Variants in CLSTN2 observed in about 807,000 individuals in gnomAD.
CLSTN2 encodes calsyntenin 2, also known as calsyntenin-2.
Under a neutral mutation model 101.2 loss-of-function variants are expected in CLSTN2, and 48 were observed. That is an observed-to-expected ratio of 0.47 (90% CI 0.38 to 0.60). The LOEUF is 0.60. Among genes scored for constraint, CLSTN2 ranks in the 20% least tolerant of loss-of-function variants. CLSTN2 has a pLI of 0.00. For synonymous variants in CLSTN2, 481 were observed against 463.6 expected (o/e 1.04, Z -0.48); for missense variants, 1,160 against 1,238.2 (o/e 0.94, Z 0.95).
At chr3:140,061,891 C>G (rs548731513) in intron 1 of CLSTN2, among the ~76,000 whole-genome samples, 98 of 152,312 alleles carry the variant, frequency 6.4e-4, no homozygotes, top group African/African-American at 2.3e-3. Flanking sequence ...GCTACAGAAG[C>G]CTGTGCTCGC....
In CLSTN2 at chr3:140,563,099, A is replaced by G; in HGVS notation, c.2378A>G (p.Asp793Gly). ...FNLEVSILHE[D>G]QVSDKEHVNH... is the part of the protein sequence containing the mutation. Reference sequence around the variant, plus strand: ...TCCCAGGTCAGCATCCTTCATGAAGACCAAGTCTCAGATAAGGAGCATGTC... The same window carrying G: ...TCCCAGGTCAGCATCCTTCATGAAGGCCAAGTCTCAGATAAGGAGCATGTC... The change falls in exon 15 of 17, where the codon GAC (aspartate) becomes GGC (glycine). Residue 793 changes from aspartate (D) to glycine (G), a missense_variant. Asp to Gly is a moderately conservative substitution (Grantham distance 94). Coordinates refer to ENST00000458420, the MANE Select transcript of CLSTN2 (RefSeq NM_022131.3). 1 of 1,614,112 alleles carries G rather than the reference A, an allele frequency of 6.2e-7. No individual in the cohort carries two copies. The highest frequency in any genetic ancestry group is 8.5e-7 in the Non-Finnish European group (1 of 1,179,994).
intron 1 of CLSTN2, among the ~76,000 whole-genome samples, chr3:140,088,545 G>C (rs1336122953): frequency 3.9e-5 from 6 of 152,136 alleles, no homozygotes; most frequent in Non-Finnish European, 8.8e-5. Context: ...AAGGTCATTT[G>C]AGCTGCCCTT....
intron 1 of CLSTN2, among the ~76,000 whole-genome samples, chr3:140,019,199 A>G (rs986095738): frequency 1.3e-5 from 2 of 152,186 alleles, no homozygotes; most frequent in African/African-American, 4.8e-5. Context: ...AACTGGGCCA[A>G]TTTGCTCACA....
At chr3:140,008,445 T>G (rs764276918) in intron 1 of CLSTN2, among the ~76,000 whole-genome samples, 1 of 152,248 alleles carries the variant, frequency 6.6e-6, no homozygotes, top group Non-Finnish European at 1.5e-5. Flanking sequence ...GTAAGGAGGC[T>G]GTAGCCTGGT....
intron 1 of CLSTN2, among the ~76,000 whole-genome samples, chr3:139,971,607 A>T (rs141849733): frequency 6.6e-6 from 1 of 152,218 alleles, no homozygotes; most frequent in East Asian, 1.9e-4. Flanking sequence ...TAAGCATGGA[A>T]TGAGTCTATA....
chr3:140,390,380 G>A (rs1006412252), intron 2 of CLSTN2, among the ~76,000 whole-genome samples: 38 of 151,736 alleles, frequency 2.5e-4, no homozygotes, highest in Middle Eastern at 3.4e-3. Flanking sequence ...TCTTTTAAAC[G>A]TGTACTGTTT....
intron 1 of CLSTN2, among the ~76,000 whole-genome samples, chr3:139,956,319 C>T (rs946817774): frequency 1.3e-5 from 2 of 152,186 alleles, no homozygotes; most frequent in East Asian, 1.9e-4. Context: ...GAAGGCGAGA[C>T]TGTGCCTTCT....
intron 1 of CLSTN2, among the ~76,000 whole-genome samples, chr3:140,004,411 A>G (rs2006913240): frequency 6.6e-6 from 1 of 152,212 alleles, no homozygotes; most frequent in African/African-American, 2.4e-5. Context: ...GGGAGAAGTT[A>G]GTGCAAATCC....
chr3:139,995,646 C>T (rs931829971), intron 1 of CLSTN2, among the ~76,000 whole-genome samples: 1 of 152,148 alleles, frequency 6.6e-6, no homozygotes, highest in Non-Finnish European at 1.5e-5. Context: ...AATTTGAAGT[C>T]TTGGCAGGTC....
At chr3:140,420,836 A>T (rs1576557970) in intron 4 of CLSTN2, among the ~76,000 whole-genome samples, 1 of 152,186 alleles carries the variant, frequency 6.6e-6, no homozygotes, top group Non-Finnish European at 1.5e-5. Flanking sequence ...CTGGCAGCCC[A>T]TTACTTATAA....
chr3:140,526,899 C>A (rs1245378477), intron 8 of CLSTN2, among the ~76,000 whole-genome samples: 1 of 152,108 alleles, frequency 6.6e-6, no homozygotes, highest in Non-Finnish European at 1.5e-5. Flanking sequence ...AAGAATGAAG[C>A]TGGACTCCTA....
chr3:140,427,231 A>ATATG (rs2088581047), intron 5 of CLSTN2, among the ~76,000 whole-genome samples: 3 of 102,208 alleles, frequency 2.9e-5, no homozygotes, highest in African/African-American at 1.7e-4. Context: ...ATATGTGTGT[A>ATATG]TATATATATA....
At chr3:140,323,456 A>G (rs1355256623) in intron 2 of CLSTN2, among the ~76,000 whole-genome samples, 1 of 152,238 alleles carries the variant, frequency 6.6e-6, no homozygotes, top group Non-Finnish European at 1.5e-5. Flanking sequence ...TTGTAAGCTA[A>G]GCAAGCTACC....
chr3:140,385,493 C>T (rs1418071043), intron 2 of CLSTN2, among the ~76,000 whole-genome samples: 1 of 151,062 alleles, frequency 6.6e-6, no homozygotes, highest in African/African-American at 2.4e-5. Context: ...CTCAGCTTCC[C>T]AAGTAGCTGG....
chr3:140,333,569 C>T (rs921222174), intron 2 of CLSTN2, among the ~76,000 whole-genome samples: 2 of 152,088 alleles, frequency 1.3e-5, no homozygotes, highest in African/African-American at 4.8e-5. Flanking sequence ...AGTCCCCTTC[C>T]TCCTCCCCTC....
At chr3:140,235,269 C>T (rs1011169070) in intron 2 of CLSTN2, among the ~76,000 whole-genome samples, 2 of 152,118 alleles carry the variant, frequency 1.3e-5, no homozygotes, top group African/African-American at 4.8e-5. Context: ...AGATTCTCTC[C>T]CCATGATTGA....
At chr3:140,351,276 G>A (rs115068828) in intron 2 of CLSTN2, among the ~76,000 whole-genome samples, 96 of 152,260 alleles carry the variant, frequency 6.3e-4, no homozygotes, top group African/African-American at 2.0e-3. Flanking sequence ...TCAGTACAAA[G>A]AGAACATAAG....
Position 140,209,260 on chromosome 3 carries a change from A to T in CLSTN2, c.232+33187A>T, listed in dbSNP as rs145526020. On this transcript the variant is annotated intron_variant, in intron 2 of 16. Coordinates refer to ENST00000458420, the MANE Select transcript of CLSTN2 (RefSeq NM_022131.3). ...ACTGGAACTAGGCTCCCTTCAATAG[A>T]AAAGAGAGCTCAGTATTTGGGTAGG... is the stretch of plus-strand genomic sequence containing the variant. Among the ~76,000 whole-genome samples the T allele has an allele frequency of 9.0e-3, 1,366 of 152,248 alleles. 16 individuals carry two copies. Among genetic ancestry groups the T allele is most frequent in the Non-Finnish European group, 0.013 (854 of 68,020 alleles).
intron 2 of CLSTN2, among the ~76,000 whole-genome samples, chr3:140,318,368 T>A (rs2087248910): frequency 6.6e-6 from 1 of 152,046 alleles, no homozygotes; most frequent in Non-Finnish European, 1.5e-5. Flanking sequence ...AAGGATAGGG[T>A]CAGGTTCAGT....
Sources: gnomAD v4.1 joint callset for allele counts (sites outside exome capture counted in the v4.1 genomes callset) on GRCh38, gnomAD v4.1.1 for gene constraint, MANE v1.5 for transcripts, NCBI Gene and HGNC (gene_info 2026-07-23, HGNC 2026-07-21) for gene names.